Variants in EMC2 observed in about 807,000 individuals in gnomAD.
The protein encoded by EMC2 is ER membrane protein complex subunit 2.
A neutral mutation model predicts 51.6 loss-of-function variants in EMC2; 37 were observed. The ratio of observed to expected loss-of-function variants is 0.72; its 90% CI spans 0.55 to 0.94. The LOEUF is 0.94. Ranked by LOEUF, EMC2 falls within the 40% of genes least tolerant of loss-of-function variation. The pLI, the probability that EMC2 is intolerant of heterozygous loss-of-function variation, is 0.00. For synonymous variants in EMC2, 131 were observed against 112.4 expected, an observed-to-expected ratio of 1.17 and a Z score of -1.04; for missense variants, 359 against 350.9, an observed-to-expected ratio of 1.02 and a Z score of -0.18.
intron 10 of EMC2, among the ~76,000 whole-genome samples, chr8:108,483,315 T>C (rs1811079554): frequency 1.3e-5 from 2 of 152,110 alleles, no homozygotes; most frequent in African/African-American, 4.8e-5. Flanking sequence ...AATGTGTACA[T>C]CCCCTTACCA....
chr8:108,457,321 C>CGTGT (rs765030855), intron 5 of EMC2, among the ~76,000 whole-genome samples: 1 of 109,916 alleles, frequency 9.1e-6, no homozygotes, highest in Non-Finnish European at 1.8e-5. Flanking sequence ...TAGGGATGTG[C>CGTGT]GTGTGTGTGC....
At chr8:108,452,199 G>C (rs546189877) in intron 3 of EMC2, among the ~76,000 whole-genome samples, 1 of 152,222 alleles carries the variant, frequency 6.6e-6, no homozygotes, top group South Asian at 2.1e-4. Flanking sequence ...ATGGATACTT[G>C]TTCAAAGAAA....
intron 9 of EMC2, 102 bp from the exon 10 acceptor site, chr8:108,478,903 TA>T: frequency 2.3e-6 from 1 of 427,912 alleles, no homozygotes. Context: ...ATACAGTTTT[TA>T]AAAATTCTTT....
chr8:108,478,942 T>TATAA (rs1361662128), intron 9 of EMC2, 64 bp from the exon 10 acceptor site: 2 of 784,982 alleles, frequency 2.5e-6, no homozygotes, highest in African/African-American at 3.6e-5. Context: ...ATGTCCCTTA[T>TATAA]GTTTTTGATT....
chr8:108,443,849 T>C, intron 1 of EMC2, 151 bp downstream of exon 1: 1 of 672,946 alleles, frequency 1.5e-6, no homozygotes, highest in Non-Finnish European at 2.6e-6. Flanking sequence ...AGGCTGAGGC[T>C]GACCCTTCCC....
intron 7 of EMC2, among the ~76,000 whole-genome samples, chr8:108,470,671 T>C (rs998218423): frequency 6.6e-6 from 1 of 152,144 alleles, no homozygotes; most frequent in African/African-American, 2.4e-5. Flanking sequence ...TGTTAGCTTT[T>C]TTATTGCTGT....
At chr8:108,455,508 C>T (rs949321206) in intron 4 of EMC2, among the ~76,000 whole-genome samples, 2 of 152,018 alleles carry the variant, frequency 1.3e-5, no homozygotes, top group Non-Finnish European at 1.5e-5. Flanking sequence ...GTTTAAATTC[C>T]TAGTCTGTTT....
intron 10 of EMC2, among the ~76,000 whole-genome samples, chr8:108,483,223 A>G (rs191774752): frequency 6.6e-6 from 1 of 152,312 alleles, no homozygotes; most frequent in Non-Finnish European, 1.5e-5. Context: ...TCAGTGTGAC[A>G]AGACCCCCTT....
In EMC2 at chr8:108,487,124, A is replaced by G. The variant is rs1353596447; in HGVS notation, c.*526A>G. Among the ~76,000 whole-genome samples, 1 of 152,094 alleles carries G rather than the reference A, an allele frequency of 6.6e-6. No homozygotes were observed. The highest frequency in any genetic ancestry group is 2.4e-5 in the African/African-American group (1 of 41,444). On this transcript the variant is annotated 3_prime_UTR_variant, in exon 11 of 11. Coordinates refer to ENST00000220853, the MANE Select transcript of EMC2 (RefSeq NM_014673.5). The stretch of plus-strand genomic sequence containing the variant: ...TTTGAATTGTTTTATCTGCTGTAAT[A>G]TCCTTCTGATGAATCTTGCTTAAAA...
chr8:108,452,956 C>T (rs1740225589), intron 3 of EMC2, 106 bp from the exon 4 acceptor site: 1 of 473,530 alleles, frequency 2.1e-6, no homozygotes, highest in Non-Finnish European at 3.8e-6. Flanking sequence ...TATTAGATGA[C>T]ACTAATGAAA....
intron 7 of EMC2, 28 bp downstream of exon 7, chr8:108,470,149 T>C: frequency 6.6e-7 from 1 of 1,520,426 alleles, no homozygotes; most frequent in East Asian, 2.3e-5. Flanking sequence ...CAACATTTTG[T>C]TGAGTGCAGT....
intron 5 of EMC2, among the ~76,000 whole-genome samples, chr8:108,456,645 T>C (rs1460985795): frequency 2.0e-5 from 3 of 152,176 alleles, no homozygotes; most frequent in Non-Finnish European, 4.4e-5. Flanking sequence ...ATTAGTTTAT[T>C]GGATAGAATA....
chr8:108,482,493 T>TA lies in EMC2; in HGVS notation c.807+3386dup, dbSNP rs200879068. Among the ~76,000 whole-genome samples, 132 of 152,346 alleles carry TA rather than the reference T, an allele frequency of 8.7e-4. 2 individuals are homozygous for TA. In the East Asian group the frequency reaches 0.021, roughly 24 times the overall value. On this transcript the variant is annotated intron_variant, in intron 10 of 10. Coordinates refer to ENST00000220853, the MANE Select transcript of EMC2 (RefSeq NM_014673.5). Reference sequence around the variant, plus strand: ...AGAAATCTTTTGCTACTCACGGTCATAAAGAATTCTGTGTGTCTTCAGAAT... The same window carrying TA: ...AGAAATCTTTTGCTACTCACGGTCATAAAAGAATTCTGTGTGTCTTCAGAAT...
At chr8:108,455,977 A>G in intron 5 of EMC2, 47 bp downstream of exon 5, 2 of 813,274 alleles carry the variant, frequency 2.5e-6, no homozygotes, top group East Asian at 6.2e-5. Context: ...TTAATTTAAA[A>G]GATAAAATTA....
chr8:108,455,000 T>C (rs1030953101), intron 4 of EMC2, among the ~76,000 whole-genome samples: 4 of 152,092 alleles, frequency 2.6e-5, no homozygotes, highest in African/African-American at 9.6e-5. Flanking sequence ...TTTTAAGATT[T>C]TCTCTTTGTT....
intron 5 of EMC2, among the ~76,000 whole-genome samples, chr8:108,466,541 C>T (rs893625714): frequency 7.0e-6 from 1 of 143,856 alleles, no homozygotes; most frequent in African/African-American, 2.6e-5. Flanking sequence ...TAACCTCTGA[C>T]TCCTGGGCTC....
chr8:108,479,827 C>T (rs1036889390), intron 10 of EMC2, among the ~76,000 whole-genome samples: 1 of 152,064 alleles, frequency 6.6e-6, no homozygotes, highest in African/African-American at 2.4e-5. Flanking sequence ...GAACTCCTGG[C>T]TTCATGTGAT....
At chr8:108,481,171 T>C (rs574828352) in intron 10 of EMC2, among the ~76,000 whole-genome samples, 17 of 152,224 alleles carry the variant, frequency 1.1e-4, no homozygotes, top group African/African-American at 3.4e-4. Context: ...GGTTCTGTTA[T>C]GTTGGTTTTG....
intron 10 of EMC2, among the ~76,000 whole-genome samples, chr8:108,482,287 A>C (rs902108750): frequency 1.2e-4 from 18 of 152,028 alleles, no homozygotes; most frequent in African/African-American, 3.9e-4. Flanking sequence ...TGTTTTTCTC[A>C]TTGGTTTGCA....
Sources: gnomAD v4.1 joint callset for allele counts (sites outside exome capture counted in the v4.1 genomes callset) on GRCh38, gnomAD v4.1.1 for gene constraint, MANE v1.5 for transcripts, NCBI Gene and HGNC (gene_info 2026-07-23, HGNC 2026-07-21) for gene names.